The following FRYL variants were observed in gnomAD, a reference collection of about 807,000 sequenced individuals.
FRYL encodes the protein protein furry homolog-like.
FRYL carries 150 observed loss-of-function variants against 351.2 expected under a neutral mutation model. The ratio of observed to expected loss-of-function variants is 0.43; its 90% confidence interval spans 0.37 to 0.49. The LOEUF is 0.49. Ranked by LOEUF, FRYL falls within the 20% of genes least tolerant of loss-of-function variation. The pLI, the probability that FRYL is intolerant of heterozygous loss-of-function variation, is 0.00. For synonymous variants in FRYL, 1,153 were observed against 1,257.1 expected, an observed-to-expected ratio of 0.92 and a Z score of 1.75; for missense variants, 3,036 against 3,619.3, an observed-to-expected ratio of 0.84 and a Z score of 4.13.
intron 1 of FRYL, among the ~76,000 whole-genome samples, chr4:48,769,965 G>C (rs892987024): frequency 2.0e-5 from 3 of 152,156 alleles, no homozygotes; most frequent in Non-Finnish European, 4.4e-5. Context: ...TGGCAGTGGT[G>C]GGACAGTTCT....
Position 48,498,495 on chromosome 4 carries a change from GCATA to G in FRYL, c.*923_*926del, listed in dbSNP as rs1718868507. ...TTCTAATGAGAATAGCTGACAGGCA[GCATA>G]CATCTTTATTTTACATTTTAAAGTC... On this transcript the variant is annotated 3_prime_UTR_variant, in exon 64 of 64. Coordinates refer to ENST00000358350, the MANE Select transcript of FRYL (RefSeq NM_015030.2). 1.3e-5 allele frequency: 2 copies of G among 152,610 alleles called. No homozygotes were observed. The allele number at this position is 152,610 out of a possible 1,614,324, so 9.5% of individuals were successfully genotyped here.
At chr4:48,642,040 T>G (rs1444314576) in intron 3 of FRYL, among the ~76,000 whole-genome samples, 1 of 152,196 alleles carries the variant, frequency 6.6e-6, no homozygotes, top group African/African-American at 2.4e-5. Flanking sequence ...GTTCATTTAC[T>G]GAAATTCTGT....
chr4:48,504,144 C>A (rs1213475929), intron 60 of FRYL, among the ~76,000 whole-genome samples: 3 of 151,956 alleles, frequency 2.0e-5, no homozygotes, highest in Non-Finnish European at 4.4e-5. Flanking sequence ...TATATATGCA[C>A]ATTTTAAAGT....
At chr4:48,641,123 TTCAAC>T (rs1755226181) in intron 3 of FRYL, among the ~76,000 whole-genome samples, 1 of 152,148 alleles carries the variant, frequency 6.6e-6, no homozygotes, top group Non-Finnish European at 1.5e-5. Flanking sequence ...TACCAGACCT[TTCAAC>T]TACCTATCCA....
intron 59 of FRYL, among the ~76,000 whole-genome samples, chr4:48,507,411 T>G (rs985343807): frequency 1.3e-5 from 2 of 152,328 alleles, no homozygotes; most frequent in East Asian, 3.9e-4. Flanking sequence ...AAGGTTAAAA[T>G]TTTTAACTGT....
chr4:48,595,845 T>C, intron 14 of FRYL, 52 bp downstream of exon 14: 1 of 1,293,636 alleles, frequency 7.7e-7, no homozygotes, highest in Non-Finnish European at 1.1e-6. Flanking sequence ...ATAGTGTGTT[T>C]TTTTAAAAAC....
intron 1 of FRYL, among the ~76,000 whole-genome samples, chr4:48,726,455 G>A (rs1304583119): frequency 6.6e-6 from 1 of 152,190 alleles, no homozygotes; most frequent in Non-Finnish European, 1.5e-5. Context: ...GCCGAGGTGG[G>A]TGGATCACTT....
At chr4:48,509,151 A>G (rs1160551839) in intron 59 of FRYL, among the ~76,000 whole-genome samples, 1 of 152,234 alleles carries the variant, frequency 6.6e-6, no homozygotes, top group Non-Finnish European at 1.5e-5. Context: ...GTTCATCAAA[A>G]AATGCTACTA....
intron 7 of FRYL, among the ~76,000 whole-genome samples, chr4:48,610,999 G>GA (rs1032034255): frequency 3.4e-4 from 51 of 151,588 alleles, no homozygotes; most frequent in African/African-American, 1.2e-3. Context: ...AGTTCCACAG[G>GA]AAAGACTCTG....
chr4:48,549,428 G>C lies in FRYL; in HGVS notation c.4784+45C>G, dbSNP rs769117739. On this transcript the variant is annotated intron_variant, in intron 39 of 63. Coordinates refer to ENST00000358350, the MANE Select transcript of FRYL (RefSeq NM_015030.2). This position sits in a 1 kb window ranked among gnomAD's most constrained non-coding sequence, Gnocchi z 4.2. ...GCACAAAGAAAGCCGACAGTGTTCAGCAGCAACTTGGTGCATATGTAAAAG... is the reference window on the plus strand; with the variant it reads ...GCACAAAGAAAGCCGACAGTGTTCACCAGCAACTTGGTGCATATGTAAAAG... 2.0e-5 allele frequency: 31 copies of C among 1,554,604 alleles called. No individual in the cohort carries two copies. Among genetic ancestry groups the C allele is most frequent in the Non-Finnish European group, 2.6e-5 (30 of 1,145,654 alleles).
Position 48,602,076 on chromosome 4 carries a change from G to C in FRYL, c.979C>G (p.Gln327Glu), listed in dbSNP as rs2149251846. 6.2e-7 allele frequency: 1 copy of C among 1,602,228 alleles called. No homozygotes were observed. The stretch of plus-strand genomic sequence containing the variant: ...ATATGCCAGTTATTTAAAAAAAATT[G>C]TTTCTGACTGACACATAAAAGGCAG... Reference protein sequence around the residue: ...ITCLLCVSQKQFFLNNWHIFL... With the variant: ...ITCLLCVSQKEFFLNNWHIFL... Residue 327 changes from glutamine to glutamate, a missense_variant, in exon 13 of 64, where the codon CAA (glutamine) becomes GAA (glutamate). Transcript: ENST00000358350.
At chr4:48,764,131 C>T (rs147736971) in intron 1 of FRYL, among the ~76,000 whole-genome samples, 1,836 of 152,200 alleles carry the variant, frequency 0.012, 12 homozygotes, top group Non-Finnish European at 0.02. Context: ...GATTGTGCCA[C>T]TTAACTCCAG....
At chr4:48,778,162 T>C (rs1776224755) in intron 1 of FRYL, among the ~76,000 whole-genome samples, 1 of 152,218 alleles carries the variant, frequency 6.6e-6, no homozygotes, top group South Asian at 2.1e-4. Context: ...CTAAATTCTG[T>C]GAGAAGAATA....
Position 48,557,797 on chromosome 4 carries a change from A to G in FRYL, c.3866-85T>C, listed in dbSNP as rs1734449424. 8.1e-6 allele frequency: 12 copies of G among 1,489,934 alleles called. No individual in the cohort carries two copies. In the South Asian group the frequency reaches 1.2e-4, roughly 15 times the overall value. 92.3% of individuals were successfully genotyped at this position (1,489,934 alleles called of 1,614,324 possible). ...TTAATTCCAACAGATTTCAGAAGCC[A>G]GATTTTATTCATTTTACTCATTACA... On this transcript the variant is annotated intron_variant, in intron 33 of 63. Transcript: ENST00000358350.
At chr4:48,642,136 T>C (rs951605805) in intron 3 of FRYL, among the ~76,000 whole-genome samples, 13 of 152,216 alleles carry the variant, frequency 8.5e-5, no homozygotes, top group Non-Finnish European at 1.5e-4. Context: ...AAAATCTGTG[T>C]TTGTGTTAGT....
At chr4:48,543,759 G>T in intron 44 of FRYL, 48 bp downstream of exon 44, 2 of 1,528,434 alleles carry the variant, frequency 1.3e-6, no homozygotes, top group South Asian at 2.4e-5. Flanking sequence ...ATAAATCCTT[G>T]ACAACTAGTA....
chr4:48,755,311 G>A (rs943651391), intron 1 of FRYL, among the ~76,000 whole-genome samples: 2 of 152,034 alleles, frequency 1.3e-5, no homozygotes, highest in African/African-American at 4.8e-5. Context: ...GTTAACCCTA[G>A]AAAATTCATT....
In FRYL at chr4:48,510,785, G is replaced by A; in HGVS notation, c.8295+50C>T. On this transcript the variant is annotated intron_variant, in intron 58 of 63. Coordinates refer to ENST00000358350, the MANE Select transcript of FRYL (RefSeq NM_015030.2). The stretch of plus-strand genomic sequence containing the variant: ...ACTTAGAAAAAAAGACTTACTGAAT[G>A]ATGCCATTCCAATGTAGTCTTTATA... The A allele has an allele frequency of 3.6e-6, 5 of 1,386,470 alleles. No individual in the cohort carries two copies. In the South Asian group the frequency reaches 4.9e-5, roughly 14 times the overall value. 85.9% of individuals were successfully genotyped at this position (1,386,470 alleles called of 1,614,324 possible).
chr4:48,657,410 A>G (rs1759470966), intron 3 of FRYL, among the ~76,000 whole-genome samples: 2 of 145,062 alleles, frequency 1.4e-5, no homozygotes, highest in Admixed American at 1.4e-4. Context: ...CCAGCTACTA[A>G]TCCTGTTTTT....
Sources: gnomAD v4.1 joint callset for allele counts (sites outside exome capture counted in the v4.1 genomes callset) on GRCh38, gnomAD v4.1.1 for gene constraint, Gnocchi (gnomAD v3.1) non-coding constraint, MANE v1.5 for transcripts, NCBI Gene and HGNC (gene_info 2026-07-23, HGNC 2026-07-21) for gene names.